Variants in ALDH5A1 observed in about 807,000 individuals in gnomAD.
ALDH5A1 encodes succinate-semialdehyde dehydrogenase, mitochondrial.
Under a neutral mutation model 54.7 loss-of-function variants are expected in ALDH5A1, and 33 were observed. That is an observed-to-expected ratio of 0.60 (90% confidence interval 0.46 to 0.81). ALDH5A1 has a LOEUF of 0.81. Among genes scored for constraint, ALDH5A1 ranks in the 30% least tolerant of loss-of-function variants. The pLI, the probability that ALDH5A1 is intolerant of heterozygous loss-of-function variation, is 0.00. For missense variants in ALDH5A1, 657 were observed against 711.0 expected (o/e 0.92, Z 0.86); for synonymous variants, 294 against 292.7 (o/e 1.00, Z -0.05).
At chr6:24,532,323 T>G in intron 9 of ALDH5A1, 146 bp downstream of exon 9, 1 of 831,804 alleles carries the variant, frequency 1.2e-6, no homozygotes. Context: ...GTGGAATGGA[T>G]TTGGATTTGT....
In ALDH5A1 at chr6:24,533,715, T is replaced by C. The variant is rs770276996; in HGVS notation, c.*3T>C. The C allele has an allele frequency of 6.2e-7, 1 of 1,613,564 alleles. No homozygotes were observed. On this transcript the variant is annotated 3_prime_UTR_variant, in exon 10 of 10. Coordinates refer to ENST00000357578, the MANE Select transcript of ALDH5A1 (RefSeq NM_001080.3). ...ATGTGTGTTACGGGGGCTTGTAGGA[T>C]TCTTTGGTTCTTTAAAAAAATTTAA... is the stretch of plus-strand genomic sequence containing the variant.
In ALDH5A1 at chr6:24,515,106, T is replaced by C. The variant is rs571818396; in HGVS notation, c.727-61T>C. ...GTATCTATTTATTTCTCTTTTCTTT[T>C]TTTTTTTTTTTTTTTCAGTTTGGTA... On this transcript the variant is annotated intron_variant, in intron 4 of 9. Transcript: ENST00000357578. 108 of 1,379,042 alleles carry C rather than the reference T, an allele frequency of 7.8e-5. No individual in the cohort carries two copies. The African/African-American group carries it at 1.4e-3, about 17-fold the overall frequency. 85.4% of individuals were successfully genotyped at this position (1,379,042 alleles called of 1,614,324 possible).
intron 4 of ALDH5A1, among the ~76,000 whole-genome samples, chr6:24,507,216 A>G (rs1581810154): frequency 6.6e-6 from 1 of 152,288 alleles, no homozygotes; most frequent in Middle Eastern, 3.4e-3. Context: ...CTCAGTCTGT[A>G]GTAGATTCCT....
chr6:24,504,590 C>T (rs939549291), intron 3 of ALDH5A1, among the ~76,000 whole-genome samples: 6 of 152,222 alleles, frequency 3.9e-5, no homozygotes, highest in Non-Finnish European at 7.3e-5. Flanking sequence ...AAAAAATTTA[C>T]GATCTGGCCC....
chr6:24,524,490 C>T (rs1367789254), intron 7 of ALDH5A1, among the ~76,000 whole-genome samples: 1 of 152,128 alleles, frequency 6.6e-6, no homozygotes, highest in Non-Finnish European at 1.5e-5. Flanking sequence ...GTTCCTCAAC[C>T]TCCTCAGAGC....
intron 5 of ALDH5A1, 117 bp downstream of exon 5, chr6:24,515,427 T>A: frequency 7.7e-7 from 1 of 1,304,990 alleles, no homozygotes; most frequent in Non-Finnish European, 1.1e-6. Context: ...AGCAGAGTGT[T>A]AAAAGCTCTG....
chr6:24,515,598 C>G lies in ALDH5A1; in HGVS notation c.870+288C>G, dbSNP rs543153478. Among the ~76,000 whole-genome samples the G allele has an allele frequency of 4.6e-5, 7 of 152,222 alleles. No individual in the cohort carries two copies. The South Asian group carries it at 1.5e-3, about 32-fold the overall frequency. ...TTAACCAGGCATGGTGGTGCACACC[C>G]GTAATCCCAGGTACCCAGGTGACTG... is the stretch of plus-strand genomic sequence containing the variant. On this transcript the variant is annotated intron_variant, in intron 5 of 9. Coordinates refer to ENST00000357578, the MANE Select transcript of ALDH5A1 (RefSeq NM_001080.3).
chr6:24,503,556 C>G, intron 3 of ALDH5A1, 123 bp downstream of exon 3: 1 of 1,188,612 alleles, frequency 8.4e-7, no homozygotes. Flanking sequence ...TCCTGGTTTC[C>G]TGATGCTTTT....
At position 24,526,513 on chromosome 6, in the gene ALDH5A1, G is replaced by A. The variant is rs9467215; in HGVS notation, c.1174-1484G>A. On this transcript the variant is annotated intron_variant, in intron 7 of 9. Coordinates refer to ENST00000357578, the MANE Select transcript of ALDH5A1 (RefSeq NM_001080.3). ...AAGCAATGAAAACAAAGAGTCTGTAGAAATTAGACATATGACTGTCACAAG... is the reference window on the plus strand; with the variant it reads ...AAGCAATGAAAACAAAGAGTCTGTAAAAATTAGACATATGACTGTCACAAG... Among the ~76,000 whole-genome samples the A allele has an allele frequency of 8.3e-3, 1,262 of 152,068 alleles. 15 individuals carry two copies. Among genetic ancestry groups the A allele is most frequent in the African/African-American group, 0.029 (1,192 of 41,494 alleles).
intron 4 of ALDH5A1, among the ~76,000 whole-genome samples, chr6:24,506,313 T>G (rs2744585): frequency 0.9 from 124,605 of 138,482 alleles, 56,456 homozygotes; most frequent in African/African-American, 0.96. Context: ...GAGTGCAGGG[T>G]CGCAATCTTG....
intron 1 of ALDH5A1, among the ~76,000 whole-genome samples, chr6:24,498,977 G>A (rs557692942): frequency 1.1e-4 from 17 of 152,022 alleles, no homozygotes; most frequent in African/African-American, 4.1e-4. Flanking sequence ...GTGGGCGCCT[G>A]TAATCCCAGC....
chr6:24,495,375 C>G, intron 1 of ALDH5A1, 25 bp downstream of exon 1: 1 of 1,528,562 alleles, frequency 6.5e-7, no homozygotes, highest in Non-Finnish European at 8.7e-7. Flanking sequence ...ATGCAGGGGG[C>G]CAGAGCTGGC....
chr6:24,496,687 G>A (rs940155831), intron 1 of ALDH5A1, among the ~76,000 whole-genome samples: 1 of 152,164 alleles, frequency 6.6e-6, no homozygotes, highest in African/African-American at 2.4e-5. Context: ...TGTAAAGTAA[G>A]CAGTTGGTTA....
At position 24,515,198 on chromosome 6, in the gene ALDH5A1, T is replaced by C. The variant is rs1201676111; in HGVS notation, c.758T>C (p.Val253Ala). 4.3e-6 allele frequency: 7 copies of C among 1,613,310 alleles called. No individual in the cohort carries two copies. The highest frequency in any genetic ancestry group is 5.1e-6 in the Non-Finnish European group (6 of 1,179,782). ...AGCCAGGCTGGGATTCCTTCAGGTG[T>C]ATACAATGTTATTCCCTGTTCTCGA... ...LASQAGIPSG[V>A]YNVIPCSRKN... Residue 253 changes from valine (V) to alanine (A), a missense_variant, in exon 5 of 10, where the codon GTA becomes GCA. Coordinates refer to ENST00000357578, the MANE Select transcript of ALDH5A1 (RefSeq NM_001080.3).
intron 5 of ALDH5A1, among the ~76,000 whole-genome samples, chr6:24,517,996 G>A (rs1759605953): frequency 6.6e-6 from 1 of 152,224 alleles, no homozygotes; most frequent in South Asian, 2.1e-4. Flanking sequence ...CCTCTGTTCA[G>A]AAAACTGAAT....
rs1161409214 is a variant in ALDH5A1, at chr6:24,536,685, A to G, written c.*2973A>G. On this transcript the variant is annotated 3_prime_UTR_variant, in exon 10 of 10. Transcript: ENST00000357578. Reference sequence around the variant, plus strand: ...TGTACATGAAATTAGCCACGTAACAAGAGTCTATTTGCCTTGAAAAAACAA... The same window carrying G: ...TGTACATGAAATTAGCCACGTAACAGGAGTCTATTTGCCTTGAAAAAACAA... 6.6e-6 allele frequency: 1 copy of G among 152,244 alleles called. No individual in the cohort carries two copies. Among genetic ancestry groups the G allele is most frequent in the Admixed American group, 6.5e-5 (1 of 15,292 alleles). The allele number at this position is 152,244 out of a possible 1,614,324, so 9.4% of individuals were successfully genotyped here.
intron 4 of ALDH5A1, 64 bp from the exon 5 acceptor site, chr6:24,515,097 CTTTTCT>C: frequency 1.5e-6 from 2 of 1,311,226 alleles, no homozygotes; most frequent in Non-Finnish European, 2.1e-6. Flanking sequence ...ATTTATTTCT[CTTTTCT>C]TTTTTTTTTT....
At chr6:24,517,182 T>C (rs561133075) in intron 5 of ALDH5A1, among the ~76,000 whole-genome samples, 1 of 152,272 alleles carries the variant, frequency 6.6e-6, no homozygotes, top group South Asian at 2.1e-4. Flanking sequence ...ATTTTTGTAT[T>C]TTCTGTAGAG....
chr6:24,531,696 A>T (rs1200535692), intron 8 of ALDH5A1, among the ~76,000 whole-genome samples: 2 of 152,232 alleles, frequency 1.3e-5, no homozygotes, highest in African/African-American at 4.8e-5. Flanking sequence ...GCAGTGGTGG[A>T]GGACACATTA....
Sources: allele counts gnomAD v4.1 joint callset (sites outside exome capture counted in the v4.1 genomes callset), GRCh38; gene constraint gnomAD v4.1.1; transcripts MANE v1.5; gene names NCBI Gene and HGNC (gene_info 2026-07-23, HGNC 2026-07-21).